The following GRK3 variants were observed in gnomAD, a reference collection of about 807,000 sequenced individuals.
GRK3 encodes adrenergic, beta, receptor kinase 2.
GRK3 carries 54 observed loss-of-function variants against 95.7 expected under a neutral mutation model. The observed-to-expected ratio is 0.56, with a 90% confidence interval of 0.45 to 0.71. The LOEUF (loss-of-function observed/expected upper bound fraction) is 0.71, where lower values mean the gene tolerates loss of function less well. Ranked by LOEUF, GRK3 falls within the 30% of genes least tolerant of loss-of-function variation. GRK3 has a pLI of 0.00. For synonymous variants in GRK3, 281 were observed against 290.8 expected (o/e 0.97, Z 0.34); for missense variants, 649 against 851.2 (o/e 0.76, Z 2.96).
intron 9 of GRK3, chr22:25,684,474 GT>G (rs1177623783): frequency 6.6e-6 from 1 of 152,194 alleles, no homozygotes; most frequent in Non-Finnish European, 1.5e-5. Flanking sequence ...CATGATAATA[GT>G]TTTCCACTTT....
At chr22:25,670,317 C>T (rs2084970692) in intron 6 of GRK3, among the ~76,000 whole-genome samples, 1 of 151,974 alleles carries the variant, frequency 6.6e-6, no homozygotes, top group African/African-American at 2.4e-5. Context: ...AACATAGCAA[C>T]ACCCACTATC....
Position 25,574,878 on chromosome 22 carries a change from C to T in GRK3, c.113+9725C>T, listed in dbSNP as rs146306811. Among the ~76,000 whole-genome samples, 8 of 152,180 alleles carry T rather than the reference C, an allele frequency of 5.3e-5. No homozygotes were observed. In the East Asian group the frequency reaches 1.5e-3, roughly 29 times the overall value. ...ATTTCTGTGCTATCTTTTTTTGTTC[C>T]ATTTTGGACCTGCTTCTTTCTGTTT... is the stretch of plus-strand genomic sequence containing the variant. On this transcript the variant is annotated intron_variant, in intron 1 of 20. Coordinates refer to ENST00000324198, the MANE Select transcript of GRK3 (RefSeq NM_005160.4).
chr22:25,682,608 A>G (rs2085083322), intron 9 of GRK3, among the ~76,000 whole-genome samples: 1 of 152,244 alleles, frequency 6.6e-6, no homozygotes. Flanking sequence ...GAAACAAGAT[A>G]TAGACAATCT....
chr22:25,606,326 C>G (rs1273355678), intron 2 of GRK3, among the ~76,000 whole-genome samples: 1 of 152,240 alleles, frequency 6.6e-6, no homozygotes. Flanking sequence ...GAAAGAAGAG[C>G]AGCTGATCGG....
chr22:25,613,831 T>G (rs1204983715), intron 2 of GRK3, among the ~76,000 whole-genome samples: 1 of 151,938 alleles, frequency 6.6e-6, no homozygotes, highest in Non-Finnish European at 1.5e-5. Flanking sequence ...ATTTGGGACA[T>G]CTGAGCATTT....
chr22:25,592,637 CT>C (rs1444760256), intron 1 of GRK3, among the ~76,000 whole-genome samples: 2 of 152,064 alleles, frequency 1.3e-5, no homozygotes, highest in African/African-American at 2.4e-5. Context: ...TCTTGAATTA[CT>C]TTTTAGAAAC....
intron 3 of GRK3, among the ~76,000 whole-genome samples, chr22:25,655,604 A>C (rs905941876): frequency 6.6e-6 from 1 of 152,026 alleles, no homozygotes. Context: ...CAGCATTTTC[A>C]TCTGGACCAT....
intron 10 of GRK3, among the ~76,000 whole-genome samples, chr22:25,686,517 G>A (rs771099198): frequency 6.6e-6 from 1 of 152,178 alleles, no homozygotes; most frequent in Non-Finnish European, 1.5e-5. Flanking sequence ...AGGAATATGT[G>A]TATGGAGAGA....
rs140301959 is a variant in GRK3 at position 25,643,581 on chromosome 22, G to C, written c.191-1011G>C. Reference sequence around the variant, plus strand: ...TCCTTTCTGCAGCTTCTGTTTCTGCGAACTCTCCGTTTAATTGTTTTGACT... The same window carrying C: ...TCCTTTCTGCAGCTTCTGTTTCTGCCAACTCTCCGTTTAATTGTTTTGACT... On this transcript the variant is annotated intron_variant, in intron 2 of 20. Transcript: ENST00000324198. 2.0e-5 allele frequency among the ~76,000 whole-genome samples: 3 copies of C among 152,250 alleles called. No homozygotes were observed. In the East Asian group the frequency reaches 5.8e-4, roughly 29 times the overall value.
At chr22:25,681,774 C>G (rs2146426544) in intron 9 of GRK3, among the ~76,000 whole-genome samples, 1 of 152,172 alleles carries the variant, frequency 6.6e-6, no homozygotes, top group Non-Finnish European at 1.5e-5. Context: ...ATTTTGTTGA[C>G]TTTTAGTAGG....
intron 14 of GRK3, 88 bp from the exon 15 acceptor site, chr22:25,704,021 T>C: frequency 2.2e-6 from 2 of 926,986 alleles, no homozygotes; most frequent in Non-Finnish European, 3.4e-6. Flanking sequence ...ATACTATGCT[T>C]ATCCCAGTAA....
Position 25,568,657 on chromosome 22 carries a change from C to T in GRK3, c.113+3504C>T, listed in dbSNP as rs189511583. On this transcript the variant is annotated intron_variant, in intron 1 of 20. Transcript: ENST00000324198. ...TACTATGACAAACCCAGCCACAGCC[C>T]CTTCCTTCATGGAGCTTATAGACTA... Among the ~76,000 whole-genome samples the T allele has an allele frequency of 1.6e-3, 243 of 152,250 alleles. 1 individual carries two copies. The highest frequency in any genetic ancestry group is 5.6e-3 in the African/African-American group (233 of 41,524).
chr22:25,583,947 GA>G (rs1260643045), intron 1 of GRK3, among the ~76,000 whole-genome samples: 1 of 152,176 alleles, frequency 6.6e-6, no homozygotes, highest in African/African-American at 2.4e-5. Flanking sequence ...TATAAACTAT[GA>G]AAAATAGTTT....
chr22:25,572,467 C>T (rs926893714), intron 1 of GRK3, among the ~76,000 whole-genome samples: 1 of 152,186 alleles, frequency 6.6e-6, no homozygotes, highest in Non-Finnish European at 1.5e-5. Context: ...TTTACAGTCC[C>T]ACCAACAGTG....
At chr22:25,695,783 C>T (rs1269489874) in intron 13 of GRK3, among the ~76,000 whole-genome samples, 5 of 152,120 alleles carry the variant, frequency 3.3e-5, no homozygotes, top group African/African-American at 1.2e-4. Flanking sequence ...CCACCTCAAC[C>T]TCAGTCTCCT....
chr22:25,587,161 G>A (rs187806569), intron 1 of GRK3, among the ~76,000 whole-genome samples: 18 of 152,240 alleles, frequency 1.2e-4, no homozygotes, highest in African/African-American at 4.3e-4. Context: ...AAAGTGCTAG[G>A]ATTATAGGCG....
chr22:25,722,776 A>T lies in GRK3; in HGVS notation c.*326A>T, dbSNP rs1019467259. 7.5e-5 allele frequency: 16 copies of T among 213,668 alleles called. No individual in the cohort carries two copies. In the East Asian group the frequency reaches 7.7e-4, roughly 10 times the overall value. 13.2% of individuals were successfully genotyped at this position (213,668 alleles called of 1,614,324 possible). ...TTAGACTCCCCAGAATGGAATTTAA[A>T]GATGTTCAGTGTTGGGTAACAGATT... On this transcript the variant is annotated 3_prime_UTR_variant, in exon 21 of 21. Coordinates refer to ENST00000324198, the MANE Select transcript of GRK3 (RefSeq NM_005160.4).
intron 18 of GRK3, 23 bp downstream of exon 18, chr22:25,714,593 A>G: frequency 6.4e-7 from 1 of 1,558,154 alleles, no homozygotes; most frequent in Non-Finnish European, 8.7e-7. Context: ...ACGTGTCTCA[A>G]AACATTTCTA....
At chr22:25,616,236 G>C (rs1237513276) in intron 2 of GRK3, among the ~76,000 whole-genome samples, 1 of 152,170 alleles carries the variant, frequency 6.6e-6, no homozygotes, top group Non-Finnish European at 1.5e-5. Flanking sequence ...TTGAGACTGA[G>C]TAACTTATGA....
Sources: allele counts gnomAD v4.1 joint callset (sites outside exome capture counted in the v4.1 genomes callset), GRCh38; gene constraint gnomAD v4.1.1; transcripts MANE v1.5; gene names NCBI Gene and HGNC (gene_info 2026-07-23, HGNC 2026-07-21).